Variants in ROBO1 observed in about 807,000 individuals in gnomAD.
ROBO1 encodes the protein roundabout homolog 1.
Under a neutral mutation model 195.9 loss-of-function variants are expected in ROBO1, and 149 were observed. The ratio of observed to expected loss-of-function variants is 0.76; its 90% confidence interval spans 0.67 to 0.87. The LOEUF (loss-of-function observed/expected upper bound fraction) is 0.87. ROBO1 is among the 40% of genes least tolerant of loss of function. The pLI is 0.00. For synonymous variants in ROBO1, 816 were observed against 733.2 expected, an observed-to-expected ratio of 1.11 and a Z score of -1.82; for missense variants, 1,933 against 2,068.3, an observed-to-expected ratio of 0.93 and a Z score of 1.27.
chr3:79,008,555 CATGT>C (rs1202972826), intron 3 of ROBO1, among the ~76,000 whole-genome samples: 1 of 151,162 alleles, frequency 6.6e-6, no homozygotes, highest in Non-Finnish European at 1.5e-5. Flanking sequence ...GTAACATATA[CATGT>C]ATATTACATA....
intron 2 of ROBO1, among the ~76,000 whole-genome samples, chr3:79,300,436 G>A (rs1437504529): frequency 2.0e-5 from 3 of 152,208 alleles, no homozygotes; most frequent in Non-Finnish European, 2.9e-5. Flanking sequence ...ATTTCTCACT[G>A]GGCGTTAGCT....
intron 3 of ROBO1, among the ~76,000 whole-genome samples, chr3:79,114,835 C>A (rs2079961362): frequency 6.6e-6 from 1 of 152,146 alleles, no homozygotes; most frequent in East Asian, 1.9e-4. Flanking sequence ...AGGGACCCAT[C>A]ATGCTACCAC....
intron 3 of ROBO1, among the ~76,000 whole-genome samples, chr3:79,008,755 ATTT>A (rs5850410): frequency 0.36 from 48,917 of 134,338 alleles, 8,906 homozygotes; most frequent in African/African-American, 0.43. Flanking sequence ...CACCATGCTA[ATTT>A]TTTTTTTTTT....
chr3:79,514,614 G>C (rs1940864040), intron 2 of ROBO1, among the ~76,000 whole-genome samples: 1 of 152,052 alleles, frequency 6.6e-6, no homozygotes. Context: ...GAAAGTACTG[G>C]ACAAGGAGTC....
intron 1 of ROBO1, among the ~76,000 whole-genome samples, chr3:79,734,220 T>C (rs1228099380): frequency 6.6e-6 from 1 of 152,162 alleles, no homozygotes. Context: ...GTGCTGGGAT[T>C]ACAGGCATGA....
At chr3:79,084,050 G>A (rs1193603602) in intron 3 of ROBO1, among the ~76,000 whole-genome samples, 11 of 152,240 alleles carry the variant, frequency 7.2e-5, no homozygotes, top group Non-Finnish European at 8.8e-5. Context: ...AAAACAGAAT[G>A]CCTTTAACAT....
In ROBO1 at chr3:78,830,421, C is replaced by A. The variant is rs1033205699; in HGVS notation, c.500-83521G>T. ...CTCACGCTGCTAATAGGGACAAACC[C>A]AAGACTGGTAATTTGTAAGGAAAAG... On this transcript the variant is annotated intron_variant, in intron 4 of 30. Coordinates refer to ENST00000464233, the MANE Select transcript of ROBO1 (RefSeq NM_002941.4). Among the ~76,000 whole-genome samples the A allele has an allele frequency of 3.3e-5, 5 of 152,142 alleles. No individual in the cohort carries two copies. In the East Asian group the frequency reaches 9.6e-4, roughly 29 times the overall value.
chr3:78,844,824 G>C (rs2033541860), intron 4 of ROBO1, among the ~76,000 whole-genome samples: 1 of 152,056 alleles, frequency 6.6e-6, no homozygotes, highest in Admixed American at 6.6e-5. Flanking sequence ...AGTGAATCCT[G>C]CTTCCATTTG....
chr3:79,519,301 A>C (rs1941091660), intron 2 of ROBO1, among the ~76,000 whole-genome samples: 1 of 152,134 alleles, frequency 6.6e-6, no homozygotes, highest in Admixed American at 6.6e-5. Context: ...TCACGTGGCC[A>C]AACCTGATAT....
At chr3:79,701,902 C>A (rs1456879277) in intron 1 of ROBO1, among the ~76,000 whole-genome samples, 2 of 151,662 alleles carry the variant, frequency 1.3e-5, no homozygotes, top group African/African-American at 2.4e-5. Context: ...ACCCATATGG[C>A]TCACTTTATG....
chr3:78,814,565 A>G (rs1044169097), intron 4 of ROBO1, among the ~76,000 whole-genome samples: 7 of 152,094 alleles, frequency 4.6e-5, no homozygotes, highest in African/African-American at 1.7e-4. Flanking sequence ...AAAAAAATAT[A>G]GCTTTGAAAT....
At position 78,871,071 on chromosome 3, in the gene ROBO1, C is replaced by G. The variant is rs533015707; in HGVS notation, c.499+67530G>C. Among the ~76,000 whole-genome samples, 5 of 152,246 alleles carry G rather than the reference C, an allele frequency of 3.3e-5. No individual in the cohort carries two copies. In the South Asian group the frequency reaches 1.0e-3, roughly 32 times the overall value. On this transcript the variant is annotated intron_variant, in intron 4 of 30. Coordinates refer to ENST00000464233, the MANE Select transcript of ROBO1 (RefSeq NM_002941.4). ...AGCTGTTAGGGTGCTATCAAAAATA[C>G]GAGATGCTGCATCACCTCTGTTAAG...
intron 10 of ROBO1, 151 bp from the exon 11 acceptor site, chr3:78,670,452 T>G (rs1708003922): frequency 3.1e-6 from 2 of 645,536 alleles, no homozygotes; most frequent in Non-Finnish European, 5.3e-6. Flanking sequence ...CAAAATGCAT[T>G]TATATGATGC....
intron 3 of ROBO1, among the ~76,000 whole-genome samples, chr3:78,981,188 T>C (rs991306276): frequency 1.3e-5 from 2 of 152,196 alleles, no homozygotes; most frequent in African/African-American, 4.8e-5. Flanking sequence ...TTCTACATAA[T>C]TAAATAAATT....
rs188564357 is a variant in ROBO1 at position 78,799,411 on chromosome 3, G to A, written c.500-52511C>T. Reference sequence around the variant, plus strand: ...GGCTGGAGTGCAGTGGCACAATCTCGGCTCACTGCAAGCTCTGCCTCCCGG... The same window carrying A: ...GGCTGGAGTGCAGTGGCACAATCTCAGCTCACTGCAAGCTCTGCCTCCCGG... On this transcript the variant is annotated intron_variant, in intron 4 of 30. Coordinates refer to ENST00000464233, the MANE Select transcript of ROBO1 (RefSeq NM_002941.4). Among the ~76,000 whole-genome samples, 434 of 150,990 alleles carry A rather than the reference G, an allele frequency of 2.9e-3. 3 individuals are homozygous for A. Among genetic ancestry groups the A allele is most frequent in the African/African-American group, 9.9e-3 (409 of 41,126 alleles).
intron 2 of ROBO1, among the ~76,000 whole-genome samples, chr3:79,190,741 T>C (rs948952873): frequency 6.6e-6 from 1 of 151,702 alleles, no homozygotes; most frequent in Non-Finnish European, 1.5e-5. Flanking sequence ...AAATTAAAAC[T>C]TATCAAATGT....
At chr3:79,466,885 A>AT (rs1249099898) in intron 2 of ROBO1, among the ~76,000 whole-genome samples, 1 of 152,216 alleles carries the variant, frequency 6.6e-6, no homozygotes, top group Non-Finnish European at 1.5e-5. Context: ...TCAGGAACTG[A>AT]TTGGAATATA....
In ROBO1 at chr3:78,649,125, TAA is replaced by T. The variant is rs5850379; in HGVS notation, c.2813-1472_2813-1471del. Among the ~76,000 whole-genome samples the T allele has an allele frequency of 6.7e-3, 890 of 132,304 alleles. 13 individuals carry two copies. The highest frequency in any genetic ancestry group is 0.062 in the East Asian group (284 of 4,586). The allele number at this position is 132,304 out of a possible 152,430, so 86.8% of individuals were successfully genotyped here. A position where few individuals can be genotyped will look rare whatever the true frequency, so the allele number is the denominator to read the frequency against. On this transcript the variant is annotated intron_variant, in intron 19 of 30. Coordinates refer to ENST00000464233, the MANE Select transcript of ROBO1 (RefSeq NM_002941.4). ...TCAGAGCCATAGTAACAAGTCTTCA[TAA>T]AAAAAAAAAAAAATGAAAGGTGCAT...
At chr3:78,938,521 G>T in intron 4 of ROBO1, 80 bp downstream of exon 4, 1 of 1,244,344 alleles carries the variant, frequency 8.0e-7, no homozygotes, top group African/African-American at 1.5e-5. Context: ...ATACAAATTC[G>T]ACTTTTCATT....
Sources: allele counts gnomAD v4.1 joint callset (sites outside exome capture counted in the v4.1 genomes callset), GRCh38; gene constraint gnomAD v4.1.1; transcripts MANE v1.5; gene names NCBI Gene and HGNC (gene_info 2026-07-23, HGNC 2026-07-21).